Variants in CNNM2 observed in about 807,000 individuals in gnomAD.
The protein encoded by CNNM2 is cyclin and CBS domain divalent metal cation transport mediator 2, also known as metal transporter CNNM2.
In CNNM2, 12 loss-of-function variants were observed where a neutral mutation model predicts 66.9. The observed-to-expected ratio is 0.18, with a 90% CI of 0.11 to 0.29. The LOEUF (loss-of-function observed/expected upper bound fraction) is 0.29, where lower values mean the gene tolerates loss of function less well. Ranked by LOEUF, CNNM2 falls within the 10% of genes least tolerant of loss-of-function variation. CNNM2 has a pLI of 1.00. For missense variants in CNNM2, 705 were observed against 1,167.7 expected (o/e 0.60, Z 5.77); for synonymous variants, 557 against 501.8 (o/e 1.11, Z -1.47).
chr10:103,026,873 C>G (rs948540388), intron 1 of CNNM2, among the ~76,000 whole-genome samples: 1 of 152,140 alleles, frequency 6.6e-6, no homozygotes, highest in Non-Finnish European at 1.5e-5. Flanking sequence ...CTTCCAGTTC[C>G]TTGACAGTAA....
chr10:103,053,496 A>G (rs1295177697), intron 2 of CNNM2, among the ~76,000 whole-genome samples: 1 of 152,244 alleles, frequency 6.6e-6, no homozygotes, highest in Non-Finnish European at 1.5e-5. Context: ...AGCCTGGGCA[A>G]TAGAGCAAGA....
chr10:103,028,814 C>CTTTTTTTT (rs67846722), intron 1 of CNNM2, among the ~76,000 whole-genome samples: 3 of 126,178 alleles, frequency 2.4e-5, no homozygotes, highest in Non-Finnish European at 1.6e-5. Context: ...TTTTCTTTTT[C>CTTTTTTTT]TTTTTTTTTT....
chr10:102,950,610 C>T (rs777617119), intron 1 of CNNM2, among the ~76,000 whole-genome samples: 18 of 151,756 alleles, frequency 1.2e-4, no homozygotes, highest in Admixed American at 2.0e-4. Flanking sequence ...AAAAATTAGC[C>T]GGGTGTGGTG....
intron 1 of CNNM2, chr10:102,927,628 G>C (rs1845916558): frequency 1.9e-6 from 1 of 518,546 alleles, no homozygotes; most frequent in Non-Finnish European, 3.2e-6. Flanking sequence ...AGCTGTGCGT[G>C]GTGGTGGGTG....
intron 1 of CNNM2, among the ~76,000 whole-genome samples, chr10:103,020,176 A>AC (rs1214509862): frequency 2.7e-5 from 4 of 150,446 alleles, no homozygotes; most frequent in African/African-American, 9.8e-5. Flanking sequence ...TTCGTCTGAG[A>AC]CAGAGGCTTG....
At position 102,919,344 on chromosome 10, in the gene CNNM2, C is replaced by A; in HGVS notation, c.864C>A (p.Arg288=). The change falls in exon 1 of 8, where the codon CGC becomes CGA. Residue 288 remains arginine (R), a synonymous_variant. Coordinates refer to ENST00000369878, the MANE Select transcript of CNNM2 (RefSeq NM_017649.5). ...GLMALDPMEL[R]IVQNCGTEKE... The stretch of plus-strand genomic sequence containing the variant: ...TGGCCCTGGACCCGATGGAGCTGCG[C>A]ATCGTGCAGAACTGCGGCACGGAGA... The A allele has an allele frequency of 6.2e-7, 1 of 1,613,496 alleles. No homozygotes were observed. Among genetic ancestry groups the A allele is most frequent in the Non-Finnish European group, 8.5e-7 (1 of 1,180,040 alleles).
intron 6 of CNNM2, among the ~76,000 whole-genome samples, chr10:103,074,999 A>G (rs2065664557): frequency 6.6e-6 from 1 of 151,902 alleles, no homozygotes. Flanking sequence ...CTCTTCACCT[A>G]TCTAAGGGCT....
intron 1 of CNNM2, among the ~76,000 whole-genome samples, chr10:102,942,186 C>T (rs972167784): frequency 6.6e-6 from 1 of 152,150 alleles, no homozygotes; most frequent in Non-Finnish European, 1.5e-5. Flanking sequence ...TAAAATATAA[C>T]ATAAAAATTA....
intron 4 of CNNM2, 43 bp from the exon 5 acceptor site, chr10:103,068,586 C>G: frequency 6.7e-7 from 1 of 1,499,214 alleles, no homozygotes; most frequent in Non-Finnish European, 9.2e-7. Context: ...TGCCAGTAGG[C>G]TTTTGCAACT....
At chr10:102,962,068 T>C (rs957462590) in intron 1 of CNNM2, among the ~76,000 whole-genome samples, 5 of 151,986 alleles carry the variant, frequency 3.3e-5, no homozygotes, top group African/African-American at 9.7e-5. Flanking sequence ...AGCTTTTGTG[T>C]AACAAATTAG....
intron 2 of CNNM2, among the ~76,000 whole-genome samples, chr10:103,052,922 GAGAC>G (rs1395726869): frequency 8.5e-5 from 13 of 152,298 alleles, no homozygotes; most frequent in African/African-American, 3.1e-4. Context: ...CAAAAGAATT[GAGAC>G]AGACAGAAAG....
At chr10:103,074,712 T>C (rs946756626) in intron 6 of CNNM2, among the ~76,000 whole-genome samples, 2 of 152,116 alleles carry the variant, frequency 1.3e-5, no homozygotes, top group African/African-American at 4.8e-5. Flanking sequence ...CACATGCCTA[T>C]AGTCCCAGCT....
chr10:102,943,973 CTAAGGGATCCGTAAGTTTACATATATG>C (rs1306830941), intron 1 of CNNM2, among the ~76,000 whole-genome samples: 2 of 152,038 alleles, frequency 1.3e-5, no homozygotes, highest in African/African-American at 2.4e-5. Flanking sequence ...CCCCTTATAC[CTAAGGGATCCGTAAGTTTACATATATG>C]TAAGATTGGC....
chr10:102,975,058 G>A lies in CNNM2; in HGVS notation c.1621+54957G>A, dbSNP rs1026495960. On this transcript the variant is annotated intron_variant, in intron 1 of 7. Coordinates refer to ENST00000369878, the MANE Select transcript of CNNM2 (RefSeq NM_017649.5). ...GTTCTAGGGAATAGAACTAAGGCCA[G>A]TGGATGGAAGCCACAGATAGAAAGA... Among the ~76,000 whole-genome samples the A allele has an allele frequency of 2.6e-5, 4 of 152,314 alleles. No homozygotes were observed. The East Asian group carries it at 7.7e-4, about 29-fold the overall frequency.
At chr10:103,034,350 C>CA (rs1415617400) in intron 1 of CNNM2, among the ~76,000 whole-genome samples, 6 of 147,108 alleles carry the variant, frequency 4.1e-5, no homozygotes, top group South Asian at 4.3e-4. Flanking sequence ...CAAAACAAAA[C>CA]AAAAAAAACC....
intron 1 of CNNM2, among the ~76,000 whole-genome samples, chr10:102,957,976 G>A (rs1055098857): frequency 1.3e-5 from 2 of 152,142 alleles, no homozygotes; most frequent in African/African-American, 4.8e-5. Context: ...TGCTCTTGTC[G>A]CCCAGGCTGG....
At chr10:102,995,367 T>C (rs1042410850) in intron 1 of CNNM2, among the ~76,000 whole-genome samples, 1 of 149,954 alleles carries the variant, frequency 6.7e-6, no homozygotes, top group Admixed American at 6.7e-5. Context: ...CATGTGCCAC[T>C]ATGCCCAGCT....
In CNNM2 at chr10:103,077,198, C is replaced by T. The variant is rs199983866; in HGVS notation, c.*18C>T. The T allele has an allele frequency of 1.1e-5, 17 of 1,607,262 alleles. No individual in the cohort carries two copies. The East Asian group carries it at 1.8e-4, about 17-fold the overall frequency. ...CCATCTAGGCCGCGCTGGCTGCACC[C>T]GCCCAGGCCCGCACCCGCCCAGTCC... On this transcript the variant is annotated 3_prime_UTR_variant, in exon 8 of 8. Coordinates refer to ENST00000369878, the MANE Select transcript of CNNM2 (RefSeq NM_017649.5).
chr10:103,064,700 C>T (rs2065446119), intron 4 of CNNM2, among the ~76,000 whole-genome samples: 1 of 152,032 alleles, frequency 6.6e-6, no homozygotes, highest in African/African-American at 2.4e-5. Flanking sequence ...ATTAGCTGGG[C>T]ATGGTGGTGC....
Sources: gnomAD v4.1 joint callset for allele counts (sites outside exome capture counted in the v4.1 genomes callset) on GRCh38, gnomAD v4.1.1 for gene constraint, MANE v1.5 for transcripts, NCBI Gene and HGNC (gene_info 2026-07-23, HGNC 2026-07-21) for gene names.